RASAL1: variants seen among roughly 807,000 people sequenced by gnomAD.
The protein encoded by RASAL1 is rasGAP-activating-like protein 1.
RASAL1 carries 72 observed loss-of-function variants against 96.6 expected under a neutral mutation model. That is an observed-to-expected ratio of 0.75 (90% CI 0.62 to 0.91). The LOEUF (loss-of-function observed/expected upper bound fraction) is 0.91, where lower values mean the gene tolerates loss of function less well. Among genes scored for constraint, RASAL1 ranks in the 40% least tolerant of loss-of-function variants. The pLI, the probability that RASAL1 is intolerant of heterozygous loss-of-function variation, is 0.00. For missense variants in RASAL1, 1,016 were observed against 1,072.5 expected (o/e 0.95, Z 0.74); for synonymous variants, 405 against 430.4 (o/e 0.94, Z 0.73).
At chr12:113,113,865 A>G (rs1950962085) in intron 12 of RASAL1, among the ~76,000 whole-genome samples, 1 of 152,156 alleles carries the variant, frequency 6.6e-6, no homozygotes, top group Non-Finnish European at 1.5e-5. Flanking sequence ...AATCTCATTG[A>G]GCTCTCCACG....
chr12:113,113,772 G>T (rs772714670), intron 12 of RASAL1, among the ~76,000 whole-genome samples: 1 of 152,154 alleles, frequency 6.6e-6, no homozygotes, highest in East Asian at 1.9e-4. Context: ...AGGCTTGTGG[G>T]TTAGACAGGA....
At position 113,135,453 on chromosome 12, in the gene RASAL1, T is replaced by C; in HGVS notation, c.10A>G (p.Ser4Gly). 2 of 1,608,248 alleles carry C rather than the reference T, an allele frequency of 1.2e-6. No homozygotes were observed. Among genetic ancestry groups the C allele is most frequent in the South Asian group, 2.2e-5 (2 of 90,198 alleles). Residue 4 changes from serine to glycine, a missense_variant, in exon 1 of 21, where the codon AGC (serine) becomes GGC (glycine). Ser to Gly is a moderately conservative substitution (Grantham distance 56). Transcript: ENST00000548055. This position sits in a 1 kb window ranked among gnomAD's most constrained non-coding sequence, Gnocchi z 5.7. ...ACCACGCGAACATTCAGGGAGCTGC[T>C]CTTGGCCATGGCGCCTAGCCACAAA... MAK[S>G]SSLNVRVVEG... is the part of the protein sequence containing the mutation.
At chr12:113,116,371 AAAG>A (rs904498584) in intron 8 of RASAL1, among the ~76,000 whole-genome samples, 3 of 151,972 alleles carry the variant, frequency 2.0e-5, no homozygotes, top group African/African-American at 7.2e-5. Flanking sequence ...AAAAAAAAAG[AAAG>A]AAGGAAAAGA....
rs1951050679 is a variant in RASAL1 at position 113,115,690 on chromosome 12, C to G, written c.948G>C (p.Arg316=). The G allele has an allele frequency of 1.2e-6, 2 of 1,613,974 alleles. No individual in the cohort carries two copies. The highest frequency in any genetic ancestry group is 2.7e-5 in the African/African-American group (2 of 74,928). ...ATKLVKLFLG[R]GLAGRFLDYL... is the part of the protein sequence containing the mutation. ...AGTCCAGAAAGCGCCCAGCCAGTCC[C>G]CGGCCAAGAAAGAGTTTCACCAGCT... The change falls in exon 10 of 21, where the codon CGG becomes CGC. Residue 316 remains arginine (R), a synonymous_variant. Coordinates refer to ENST00000548055, the MANE Select transcript of RASAL1 (RefSeq NM_001301202.2). This position sits in a 1 kb window ranked among gnomAD's most constrained non-coding sequence, Gnocchi z 4.1.
rs200565872 is a variant in RASAL1 at position 113,115,894 on chromosome 12, C to A, written c.849+40G>T. The stretch of plus-strand genomic sequence containing the variant: ...AGGGGGAGGCCAGGATCCAGACCCC[C>A]GGCACCCGCCTGATAGCATTGCTTG... On this transcript the variant is annotated intron_variant, in intron 9 of 20. Transcript: ENST00000548055. This position sits in a 1 kb window ranked among gnomAD's most constrained non-coding sequence, Gnocchi z 4.1. 2.3e-4 allele frequency: 370 copies of A among 1,581,062 alleles called. 1 individual carries two copies. The African/African-American group carries it at 4.6e-3, about 20-fold the overall frequency.
In RASAL1 at chr12:113,114,924, G is replaced by A. The variant is rs1458862759; in HGVS notation, c.1069-12C>T. On this transcript the variant is annotated splice_polypyrimidine_tract_variant and intron_variant, in intron 11 of 20. Coordinates refer to ENST00000548055, the MANE Select transcript of RASAL1 (RefSeq NM_001301202.2). ...GGCATGCCCACGAGCTGGGGGCAGG[G>A]GGCACCACACGGGGTGGGGCTGAGG... is the stretch of plus-strand genomic sequence containing the variant. 1.2e-6 allele frequency: 2 copies of A among 1,603,194 alleles called. No individual in the cohort carries two copies. Among genetic ancestry groups the A allele is most frequent in the East Asian group, 2.2e-5 (1 of 44,822 alleles).
rs146589835 is a variant in RASAL1, at chr12:113,107,267, G to A, written c.1513-26C>T. ...CTGGAGCAAAGAAGCGAGGGATGCC[G>A]GGGCCAAGGTCACAGCAGAGGGTAG... On this transcript the variant is annotated intron_variant, in intron 14 of 20. Transcript: ENST00000548055. 1,312 of 1,566,448 alleles carry A rather than the reference G, an allele frequency of 8.4e-4. 8 individuals carry two copies. The highest frequency in any genetic ancestry group is 5.8e-3 in the Middle Eastern group (31 of 5,366).
intron 1 of RASAL1, among the ~76,000 whole-genome samples, chr12:113,133,625 T>C (rs1951798347): frequency 6.6e-6 from 1 of 152,110 alleles, no homozygotes; most frequent in South Asian, 2.1e-4. Context: ...CTGGGCCCTT[T>C]CCCTTAGGAG....
Position 113,115,658 on chromosome 12 carries a change from G to T in RASAL1, c.980C>A (p.Thr327Asn). Residue 327 changes from threonine to asparagine, a missense_variant, in exon 10 of 21, where the codon ACC (threonine) becomes AAC (asparagine). Physicochemically the swap from Thr to Asn is moderately conservative, Grantham distance 65. Transcript: ENST00000548055. The surrounding 1 kb of genome is among the most constrained non-coding windows in gnomAD (Gnocchi z 4.1). ...ACTGGTCCGAGCCACCTCACGCCGG[G>T]TGAGATAGTCCAGAAAGCGCCCAGC... ...GLAGRFLDYL[T>N]RREVARTMDP... 6.2e-7 allele frequency: 1 copy of T among 1,613,740 alleles called. No individual in the cohort carries two copies. The highest frequency in any genetic ancestry group is 8.5e-7 in the Non-Finnish European group (1 of 1,180,024).
intron 18 of RASAL1, chr12:113,103,721 T>G (rs988625884): frequency 4.8e-6 from 3 of 620,720 alleles, no homozygotes; most frequent in Non-Finnish European, 5.5e-6. Context: ...ACACGTCGCA[T>G]ACGCCAAGCA....
At chr12:113,100,455 C>T (rs1298113325) in intron 20 of RASAL1, among the ~76,000 whole-genome samples, 173 bp downstream of exon 20, 9 of 152,120 alleles carry the variant, frequency 5.9e-5, no homozygotes, top group African/African-American at 1.4e-4. Context: ...TGCACCACCA[C>T]GCCCGGCTAA....
rs377165995 is a variant in RASAL1, at chr12:113,112,104, G to A, written c.1356C>T (p.Phe452=). 5,528 of 1,243,846 alleles carry A rather than the reference G, an allele frequency of 4.4e-3. 28 individuals carry two copies. Among genetic ancestry groups the A allele is most frequent in the Non-Finnish European group, 5.1e-3 (5,042 of 989,958 alleles). 77.1% of individuals were successfully genotyped at this position (1,243,846 alleles called of 1,614,324 possible). Residue 452 remains phenylalanine (F), a synonymous_variant, in exon 13 of 21, where the codon TTC becomes TTT. Transcript: ENST00000548055. ...KQLHRRVEER[F]PQAEHQDVKY... ...GGCGCACCTGGTGCTCGGCCTGGGG[G>A]AAGCGCTCCTCCACTCGCCGGTGCA...
At position 113,127,807 on chromosome 12, in the gene RASAL1, C is replaced by T. The variant is rs747640355; in HGVS notation, c.298+5G>A. 5 of 1,610,020 alleles carry T rather than the reference C, an allele frequency of 3.1e-6. No individual in the cohort carries two copies. The South Asian group carries it at 4.4e-5, about 14-fold the overall frequency. Reference sequence around the variant, plus strand: ...CTCCTCCCTCTGCCCATGTCCCTCGCCCACCTCGGGGGTCGGCTGTAATCG... The same window carrying T: ...CTCCTCCCTCTGCCCATGTCCCTCGTCCACCTCGGGGGTCGGCTGTAATCG... On this transcript the variant is annotated splice_donor_5th_base_variant and intron_variant, in intron 4 of 20. Coordinates refer to ENST00000548055, the MANE Select transcript of RASAL1 (RefSeq NM_001301202.2).
intron 16 of RASAL1, among the ~76,000 whole-genome samples, chr12:113,104,605 G>A (rs112459491): frequency 2.6e-5 from 4 of 152,176 alleles, no homozygotes; most frequent in Non-Finnish European, 4.4e-5. Context: ...AGGTTCAAGC[G>A]ATTCTCCTGC....
Position 113,099,912 on chromosome 12 carries a change from C to T in RASAL1, c.*17G>A. The stretch of plus-strand genomic sequence containing the variant: ...CCTGGCTCTTGCTCCTCCTTCCGGG[C>T]TAGCTCTGGCATTTCCTTAGGGGCC... On this transcript the variant is annotated 3_prime_UTR_variant, in exon 21 of 21. Transcript: ENST00000548055. 6.2e-7 allele frequency: 1 copy of T among 1,603,988 alleles called. No homozygotes were observed. Among genetic ancestry groups the T allele is most frequent in the Non-Finnish European group, 8.5e-7 (1 of 1,174,030 alleles).
rs549022086 is a variant in RASAL1 at position 113,099,306 on chromosome 12, G to T, written c.*623C>A. 7 of 152,256 alleles carry T rather than the reference G, an allele frequency of 4.6e-5. No homozygotes were observed. The highest frequency in any genetic ancestry group is 2.1e-4 in the South Asian group (1 of 4,828). 9.4% of individuals were successfully genotyped at this position (152,256 alleles called of 1,614,324 possible). A position where few individuals can be genotyped will look rare whatever the true frequency, so the allele number is the denominator to read the frequency against. ...ACTTTCCCTCCTCTTTTTATACAGGGTAATCTGAGACCCAGAGAGAGATAA... is the reference window on the plus strand; with the variant it reads ...ACTTTCCCTCCTCTTTTTATACAGGTTAATCTGAGACCCAGAGAGAGATAA... On this transcript the variant is annotated 3_prime_UTR_variant, in exon 21 of 21. Transcript: ENST00000548055.
At chr12:113,113,129 C>A (rs1016297184) in intron 12 of RASAL1, among the ~76,000 whole-genome samples, 5 of 152,118 alleles carry the variant, frequency 3.3e-5, no homozygotes, top group African/African-American at 1.2e-4. Flanking sequence ...TTTCCATCTG[C>A]AATTATTGTG....
intron 7 of RASAL1, 93 bp from the exon 8 acceptor site, chr12:113,117,254 C>G (rs1028047957): frequency 6.5e-6 from 6 of 929,070 alleles, no homozygotes; most frequent in Non-Finnish European, 9.2e-6. Context: ...GAACAGACTG[C>G]CCACCCACAG....
chr12:113,105,594 T>C (rs1017837778), intron 16 of RASAL1, 120 bp downstream of exon 16: 1 of 1,107,550 alleles, frequency 9.0e-7, no homozygotes, highest in African/African-American at 1.6e-5. Context: ...GTTGTTAAGT[T>C]GCTATGGCAT....
Sources: allele counts gnomAD v4.1 joint callset (sites outside exome capture counted in the v4.1 genomes callset), GRCh38; gene constraint gnomAD v4.1.1; non-coding constraint Gnocchi (gnomAD v3.1); transcripts MANE v1.5; gene names NCBI Gene and HGNC (gene_info 2026-07-23, HGNC 2026-07-21).